The following RBPJ variants were observed in gnomAD, a reference collection of about 807,000 sequenced individuals.
RBPJ encodes the protein recombination signal binding protein for immunoglobulin kappa J region.
A neutral mutation model predicts 67.8 loss-of-function variants in RBPJ; 9 were observed. The ratio of observed to expected loss-of-function variants is 0.13; its 90% CI spans 0.08 to 0.23. RBPJ has a LOEUF of 0.23. Among genes scored for constraint, RBPJ ranks in the 10% least tolerant of loss-of-function variants. The pLI is 1.00. For synonymous variants in RBPJ, 198 were observed against 203.3 expected, an observed-to-expected ratio of 0.97 and a Z score of 0.22; for missense variants, 305 against 595.6, an observed-to-expected ratio of 0.51 and a Z score of 5.08.
At chr4:26,428,580 T>C (rs1431377072) in intron 7 of RBPJ, 140 bp from the exon 8 acceptor site, 2 of 592,128 alleles carry the variant, frequency 3.4e-6, no homozygotes, top group East Asian at 3.0e-5. Context: ...TTGTGAATGT[T>C]TTTATATATG....
chr4:26,355,701 T>C (rs1727299395), intron 1 of RBPJ, among the ~76,000 whole-genome samples: 1 of 152,086 alleles, frequency 6.6e-6, no homozygotes, highest in African/African-American at 2.4e-5. Context: ...AGATAAGAAC[T>C]TTGAACACCT....
At position 26,430,989 on chromosome 4, in the gene RBPJ, A is replaced by G. The variant is rs781744622; in HGVS notation, c.1446A>G (p.Thr482=). The part of the protein sequence containing the change: ...STNSTSVTSS[T]ATVVS ...ATTCAACCAGTGTCACATCATCTACAGCCACAGTGGTATCCTAACTACCGT... is the reference window on the plus strand; with the variant it reads ...ATTCAACCAGTGTCACATCATCTACGGCCACAGTGGTATCCTAACTACCGT... Residue 482 remains threonine, a synonymous_variant, in exon 11 of 11, where the codon ACA becomes ACG. Coordinates refer to ENST00000355476, the MANE Select transcript of RBPJ (RefSeq NM_015874.6). This position sits in a 1 kb window ranked among gnomAD's most constrained non-coding sequence, Gnocchi z 4.1. 126 of 1,613,818 alleles carry G rather than the reference A, an allele frequency of 7.8e-5. No individual in the cohort carries two copies. In the Middle Eastern group the frequency reaches 1.3e-3, roughly 17 times the overall value.
At chr4:26,324,593 A>G (rs965990741) in intron 1 of RBPJ, among the ~76,000 whole-genome samples, 3 of 152,146 alleles carry the variant, frequency 2.0e-5, no homozygotes, top group African/African-American at 4.8e-5. Flanking sequence ...TCAGTGGCAC[A>G]ATCTTAGCTC....
At position 26,271,159 on chromosome 4, in the gene RBPJ, G is replaced by A. The variant is rs959578612; in HGVS notation, c.-166-91287G>A. 5.9e-5 allele frequency among the ~76,000 whole-genome samples: 9 copies of A among 152,110 alleles called. No homozygotes were observed. The East Asian group carries it at 1.7e-3, about 29-fold the overall frequency. ...AGGCTCAAGCTCTCCTCCTGGCCCA[G>A]CCTCCCAAGTAGCTGGAACTACAGA... On this transcript the variant is annotated intron_variant, in intron 1 of 4. Coordinates refer to the RBPJ transcript ENST00000512351.
chr4:26,186,805 A>T (rs767350667), intron 1 of RBPJ, among the ~76,000 whole-genome samples: 26 of 152,240 alleles, frequency 1.7e-4, no homozygotes, highest in Non-Finnish European at 3.5e-4. Context: ...ATTACAAAAG[A>T]TTCTCAATGT....
At chr4:26,173,432 G>T (rs571929195) in intron 1 of RBPJ, among the ~76,000 whole-genome samples, 4 of 152,180 alleles carry the variant, frequency 2.6e-5, no homozygotes, top group Non-Finnish European at 5.9e-5. Context: ...CACTGCGCCC[G>T]GCTTGCAGTA....
intron 2 of RBPJ, among the ~76,000 whole-genome samples, chr4:26,405,094 A>C (rs1452698204): frequency 6.6e-6 from 1 of 152,106 alleles, no homozygotes; most frequent in Admixed American, 6.6e-5. Flanking sequence ...GGTAAATATA[A>C]ATGCTGTTAT....
the RBPJ span, among the ~76,000 whole-genome samples, chr4:26,124,954 G>A: frequency 0.48 from 72,284 of 151,928 alleles, 18,631 homozygotes; most frequent in African/African-American, 0.63. Flanking sequence ...TGTGTCAGAG[G>A]CCCGGACACT....
upstream of RBPJ, among the ~76,000 whole-genome samples, chr4:26,162,689 G>A (rs1481781245): frequency 1.3e-5 from 2 of 152,210 alleles, no homozygotes; most frequent in Non-Finnish European, 2.9e-5. Flanking sequence ...TAGGTGGCAA[G>A]ACCACGATGT....
chr4:26,117,815 A>G, the RBPJ span, among the ~76,000 whole-genome samples: 501 of 152,316 alleles, frequency 3.3e-3, 3 homozygotes, highest in Middle Eastern at 0.014. Flanking sequence ...CACTATTAGC[A>G]CTTAAAATAA....
At chr4:26,153,955 A>C in the RBPJ span, among the ~76,000 whole-genome samples, 12 of 152,194 alleles carry the variant, frequency 7.9e-5, no homozygotes, top group African/African-American at 2.7e-4. Context: ...CTCAAAAAAA[A>C]AAGTTTCAGA....
At chr4:26,257,970 T>C (rs1289862768) in intron 1 of RBPJ, among the ~76,000 whole-genome samples, 2 of 152,224 alleles carry the variant, frequency 1.3e-5, no homozygotes, top group South Asian at 2.1e-4. Flanking sequence ...ACATGGTGGC[T>C]CGGTATGAGA....
intron 1 of RBPJ, among the ~76,000 whole-genome samples, chr4:26,360,119 A>C (rs2109490563): frequency 6.6e-6 from 1 of 152,346 alleles, no homozygotes; most frequent in Non-Finnish European, 1.5e-5. Context: ...TTTGAATTAT[A>C]AATGTGAATT....
intron 2 of RBPJ, among the ~76,000 whole-genome samples, chr4:26,398,098 A>G (rs1291397564): frequency 6.6e-6 from 1 of 151,416 alleles, no homozygotes; most frequent in Non-Finnish European, 1.5e-5. Flanking sequence ...GTGTGTGATT[A>G]CTTTGAAAAT....
chr4:26,259,511 A>C (rs1341109861), intron 1 of RBPJ, among the ~76,000 whole-genome samples: 2 of 152,172 alleles, frequency 1.3e-5, no homozygotes, highest in African/African-American at 4.8e-5. Context: ...TGTACTGGGA[A>C]AGCCATGTTT....
intron 1 of RBPJ, among the ~76,000 whole-genome samples, chr4:26,290,154 A>AC (rs1356441204): frequency 6.7e-6 from 1 of 149,182 alleles, no homozygotes; most frequent in African/African-American, 2.5e-5. Context: ...AAACAGCGAG[A>AC]CCCCACCTCC....
intron 1 of RBPJ, among the ~76,000 whole-genome samples, chr4:26,220,741 A>G (rs1294340880): frequency 2.0e-5 from 3 of 152,210 alleles, no homozygotes; most frequent in Admixed American, 1.3e-4. Flanking sequence ...AATCATCCCT[A>G]TCTCCACAGA....
the RBPJ span, among the ~76,000 whole-genome samples, chr4:26,147,482 AG>A: frequency 6.6e-6 from 1 of 152,326 alleles, no homozygotes; most frequent in East Asian, 1.9e-4. Flanking sequence ...AACTTCTCCC[AG>A]GTATACCAAG....
At chr4:26,389,228 A>T (rs1351569514) in intron 2 of RBPJ, among the ~76,000 whole-genome samples, 1 of 147,456 alleles carries the variant, frequency 6.8e-6, no homozygotes, top group African/African-American at 2.6e-5. Context: ...GACCCCATCT[A>T]AAAAAAAAAT....
Sources: allele counts gnomAD v4.1 joint callset (sites outside exome capture counted in the v4.1 genomes callset), GRCh38; gene constraint gnomAD v4.1.1; non-coding constraint Gnocchi (gnomAD v3.1); transcripts MANE v1.5; gene names NCBI Gene and HGNC (gene_info 2026-07-23, HGNC 2026-07-21).